Variants in GRIA3 observed in about 807,000 individuals in gnomAD.
GRIA3 encodes the protein glutamate receptor 3.
Under a neutral mutation model 63.0 loss-of-function variants are expected in GRIA3, and 3 were observed. The observed-to-expected ratio is 0.05, with a 90% CI of 0.02 to 0.12. The LOEUF is 0.12. GRIA3 is among the 10% of genes least tolerant of loss of function. GRIA3 has a pLI of 1.00. For missense variants in GRIA3, 347 were observed against 700.9 expected, an observed-to-expected ratio of 0.50 and a Z score of 5.70; for synonymous variants, 274 against 257.9, an observed-to-expected ratio of 1.06 and a Z score of -0.60.
intron 12 of GRIA3, among the ~76,000 whole-genome samples, chrX:123,456,776 C>G (rs1362975888): frequency 9.0e-6 from 1 of 111,402 alleles, no homozygotes; most frequent in Non-Finnish European, 1.9e-5. Flanking sequence ...TATGCATATC[C>G]TAGTATTGGT....
chrX:123,445,314 C>T lies in GRIA3; in HGVS notation c.2076+17175C>T, dbSNP rs191624950. 2.3e-3 allele frequency among the ~76,000 whole-genome samples: 258 copies of T among 111,599 alleles called. 1 individual carries two copies. Among genetic ancestry groups the T allele is most frequent in the Non-Finnish European group, 3.9e-3 (205 of 53,084 alleles). On this transcript the variant is annotated intron_variant, in intron 12 of 15. Coordinates refer to ENST00000620443, the MANE Select transcript of GRIA3 (RefSeq NM_007325.5). ...TTCCCCTCCCTGGAAAGTAATACTCCGCCTTTTATGAAGACCAGATCAGTT... is the reference window on the plus strand; with the variant it reads ...TTCCCCTCCCTGGAAAGTAATACTCTGCCTTTTATGAAGACCAGATCAGTT...
chrX:123,372,671 T>C (rs977430164), intron 5 of GRIA3, among the ~76,000 whole-genome samples: 1 of 111,536 alleles, frequency 9.0e-6, no homozygotes, highest in Non-Finnish European at 1.9e-5. Flanking sequence ...CCTTTTCAGA[T>C]TGTTCATTGT....
At chrX:123,377,532 A>T (rs2045294582) in intron 5 of GRIA3, among the ~76,000 whole-genome samples, 3 of 112,576 alleles carry the variant, frequency 2.7e-5, no homozygotes, top group Non-Finnish European at 5.6e-5. Context: ...TTTTAAAATT[A>T]TCTCTGTAAC....
chrX:123,396,572 TC>T (rs1446703475), intron 6 of GRIA3, among the ~76,000 whole-genome samples: 4 of 111,366 alleles, frequency 3.6e-5, no homozygotes, highest in Non-Finnish European at 5.7e-5. Context: ...CTATGATGAA[TC>T]CTTTGTAATC....
At chrX:123,327,027 G>T (rs181167074) in intron 4 of GRIA3, among the ~76,000 whole-genome samples, 14 of 109,792 alleles carry the variant, frequency 1.3e-4, no homozygotes, top group Non-Finnish European at 2.3e-4. Context: ...TTAACTGGGC[G>T]TGGTGGCGGG....
At chrX:123,430,170 A>G (rs2045610001) in intron 12 of GRIA3, among the ~76,000 whole-genome samples, 1 of 112,449 alleles carries the variant, frequency 8.9e-6, no homozygotes. Flanking sequence ...AGCTATTGCC[A>G]CATTCTGATT....
intron 3 of GRIA3, among the ~76,000 whole-genome samples, chrX:123,321,330 C>T (rs1403432009): frequency 7.2e-5 from 8 of 111,526 alleles, no homozygotes; most frequent in African/African-American, 3.3e-5. Flanking sequence ...TCATGAGAAG[C>T]CTGTTCATCA....
intron 3 of GRIA3, among the ~76,000 whole-genome samples, chrX:123,267,094 T>C (rs1200133364): frequency 8.9e-6 from 1 of 112,024 alleles, no homozygotes; most frequent in African/African-American, 3.2e-5. Flanking sequence ...GTTGTCTTAT[T>C]TATCTCTGCC....
intron 3 of GRIA3, among the ~76,000 whole-genome samples, chrX:123,294,225 G>C (rs2044672461): frequency 9.0e-6 from 1 of 111,009 alleles, no homozygotes; most frequent in Admixed American, 9.6e-5. Flanking sequence ...AACTTACCCA[G>C]AGTCATGCAG....
chrX:123,477,860 T>C (rs2045893969), intron 13 of GRIA3, among the ~76,000 whole-genome samples: 1 of 111,862 alleles, frequency 8.9e-6, no homozygotes, highest in Non-Finnish European at 1.9e-5. Flanking sequence ...CTGAATGACG[T>C]AATTTGAAGA....
At chrX:123,477,842 T>C (rs1229018881) in intron 13 of GRIA3, among the ~76,000 whole-genome samples, 1 of 111,766 alleles carries the variant, frequency 8.9e-6, no homozygotes, top group Non-Finnish European at 1.9e-5. Context: ...GCAGCAGTAC[T>C]GAAGAAACTG....
intron 5 of GRIA3, among the ~76,000 whole-genome samples, chrX:123,370,254 T>A (rs2045238848): frequency 9.9e-6 from 1 of 100,916 alleles, no homozygotes; most frequent in African/African-American, 3.6e-5. Flanking sequence ...CCCATCCTAC[T>A]TTTCCTTCTC....
intron 2 of GRIA3, among the ~76,000 whole-genome samples, chrX:123,228,734 C>T (rs892458641): frequency 1.3e-4 from 14 of 111,077 alleles, no homozygotes; most frequent in Non-Finnish European, 9.4e-5. Context: ...AGTAACTAGG[C>T]AAGGACACAT....
At chrX:123,448,273 C>T (rs1375647516) in intron 12 of GRIA3, among the ~76,000 whole-genome samples, 1 of 111,946 alleles carries the variant, frequency 8.9e-6, no homozygotes, top group Admixed American at 9.5e-5. Context: ...AATAACACAG[C>T]TTACCTTTCT....
intron 3 of GRIA3, among the ~76,000 whole-genome samples, chrX:123,315,395 T>C (rs1387069616): frequency 8.9e-6 from 1 of 112,269 alleles, no homozygotes; most frequent in Non-Finnish European, 1.9e-5. Context: ...AGTTTCTGTA[T>C]TAGCGTCTCA....
rs141251150 is a variant in GRIA3, at chrX:123,273,012, T to C, written c.508+19470T>C. On this transcript the variant is annotated intron_variant, in intron 3 of 15. Coordinates refer to ENST00000620443, the MANE Select transcript of GRIA3 (RefSeq NM_007325.5). ...CCACCCGCAGTATTTCAAGGGAGTC[T>C]TCCGTACCTCCTCCCTACAGTCCGG... is the stretch of plus-strand genomic sequence containing the variant. Among the ~76,000 whole-genome samples the C allele has an allele frequency of 2.6e-4, 29 of 111,701 alleles. No individual in the cohort carries two copies. In the East Asian group the frequency reaches 7.9e-3, roughly 31 times the overall value.
At chrX:123,478,990 A>G (rs974943243) in intron 13 of GRIA3, among the ~76,000 whole-genome samples, 1 of 112,943 alleles carries the variant, frequency 8.9e-6, no homozygotes, top group Non-Finnish European at 1.9e-5. Flanking sequence ...TTACAGCTGA[A>G]GAAATTTATA....
rs1482055750 is a variant in GRIA3 at position 123,384,073 on chromosome X, T to C, written c.751-10895T>C. 9.8e-5 allele frequency among the ~76,000 whole-genome samples: 11 copies of C among 112,536 alleles called. 1 individual carries two copies. The East Asian group carries it at 3.1e-3, about 31-fold the overall frequency. Reference sequence around the variant, plus strand: ...TCACTGCATAGTATTCCATGGTGTATATGTAGCACATTTTTTTTATCCAGT... The same window carrying C: ...TCACTGCATAGTATTCCATGGTGTACATGTAGCACATTTTTTTTATCCAGT... On this transcript the variant is annotated intron_variant, in intron 5 of 15. Transcript: ENST00000620443.
At chrX:123,430,250 A>G (rs2045610399) in intron 12 of GRIA3, among the ~76,000 whole-genome samples, 1 of 111,913 alleles carries the variant, frequency 8.9e-6, no homozygotes, top group Admixed American at 9.5e-5. Flanking sequence ...AGCTGTTTTG[A>G]AAATCTGATT....
Sources: gnomAD v4.1 joint callset for allele counts (sites outside exome capture counted in the v4.1 genomes callset) on GRCh38, gnomAD v4.1.1 for gene constraint, MANE v1.5 for transcripts, NCBI Gene and HGNC (gene_info 2026-07-23, HGNC 2026-07-21) for gene names.